Variants in RLF observed in about 807,000 individuals in gnomAD.
The protein encoded by RLF is RLF zinc finger.
In RLF, 7 loss-of-function variants were observed where a neutral mutation model predicts 162.9. That is an observed-to-expected ratio of 0.04 (90% CI 0.02 to 0.08). The LOEUF (loss-of-function observed/expected upper bound fraction) is 0.08. Ranked by LOEUF, RLF falls within the 10% of genes least tolerant of loss-of-function variation. The probability of loss-of-function intolerance (pLI) is 1.00; values close to 1 mark genes in which losing one functional copy is unlikely to be tolerated. For missense variants in RLF, 1,664 were observed against 2,244.7 expected, an observed-to-expected ratio of 0.74 and a Z score of 5.23; for synonymous variants, 782 against 791.5, an observed-to-expected ratio of 0.99 and a Z score of 0.20.
chr1:40,178,701 C>G (rs537426649), intron 1 of RLF, among the ~76,000 whole-genome samples: 28 of 34,822 alleles, frequency 8.0e-4, no homozygotes, highest in Non-Finnish European at 1.7e-3. Context: ...TTTTTTTTTT[C>G]CCCAGAGATG....
At chr1:40,195,034 C>G (rs1207053575) in intron 3 of RLF, among the ~76,000 whole-genome samples, 2 of 151,704 alleles carry the variant, frequency 1.3e-5, no homozygotes, top group South Asian at 4.2e-4. Flanking sequence ...AGAGTTTTGT[C>G]ATTTTGGCCA....
At position 40,161,764 on chromosome 1, in the gene RLF, C is replaced by A; in HGVS notation, c.237+128C>A. ...CTCCGTGACTCGCCGCGCCCCCGGG[C>A]CGGGAAGGCCCAGCTCGGAAGCTCG... On this transcript the variant is annotated intron_variant, in intron 1 of 7. Coordinates refer to ENST00000372771, the MANE Select transcript of RLF (RefSeq NM_012421.4). The surrounding 1 kb of genome is among the most constrained non-coding windows in gnomAD (Gnocchi z 4.4). 1 of 1,326,890 alleles carries A rather than the reference C, an allele frequency of 7.5e-7. No individual in the cohort carries two copies. Among genetic ancestry groups the A allele is most frequent in the Non-Finnish European group, 1.0e-6 (1 of 991,276 alleles). The allele number at this position is 1,326,890 out of a possible 1,614,324, so 82.2% of individuals were successfully genotyped here.
At position 40,236,529 on chromosome 1, in the gene RLF, A is replaced by G. The variant is rs1443472127; in HGVS notation, c.1827A>G (p.Pro609=). ...PHVMEHVKMP[P]SRRDRSKKKL... is the part of the protein sequence containing the mutation. ...TGATGGAGCATGTTAAAATGCCACC[A>G]AGCAGAAGGGACCGCTCTAAAAAGA... Residue 609 remains proline (P), a synonymous_variant, in exon 8 of 8, where the codon CCA becomes CCG. Transcript: ENST00000372771. The surrounding 1 kb of genome is among the most constrained non-coding windows in gnomAD (Gnocchi z 7.7). 6.2e-7 allele frequency: 1 copy of G among 1,613,928 alleles called. No homozygotes were observed. The highest frequency in any genetic ancestry group is 2.2e-5 in the East Asian group (1 of 44,898).
intron 1 of RLF, among the ~76,000 whole-genome samples, chr1:40,165,271 A>T (rs1642149359): frequency 6.6e-6 from 1 of 152,106 alleles, no homozygotes; most frequent in Admixed American, 6.6e-5. Flanking sequence ...GGAGTTCTTT[A>T]CTTGGAGTCA....
intron 1 of RLF, among the ~76,000 whole-genome samples, chr1:40,183,185 C>T (rs1415661252): frequency 6.6e-6 from 1 of 152,182 alleles, no homozygotes; most frequent in Non-Finnish European, 1.5e-5. Flanking sequence ...CTGCCCTCTC[C>T]TGGAAGTCTA....
intron 5 of RLF, among the ~76,000 whole-genome samples, chr1:40,219,715 T>G (rs978139992): frequency 2.0e-5 from 3 of 152,164 alleles, no homozygotes; most frequent in Non-Finnish European, 4.4e-5. Flanking sequence ...AACCTCTTGA[T>G]CAGAAATTTA....
At chr1:40,226,931 C>G (rs1643086146) in intron 6 of RLF, among the ~76,000 whole-genome samples, 2 of 152,142 alleles carry the variant, frequency 1.3e-5, no homozygotes, top group African/African-American at 4.8e-5. Flanking sequence ...ATGGTGCAGT[C>G]TCAGCTCACT....
rs776232843 is a variant in RLF at position 40,239,845 on chromosome 1, A to G, written c.5143A>G (p.Ser1715Gly). ...NGTESGTYFT[S>G]FQLPLPRIKE... The stretch of plus-strand genomic sequence containing the variant: ...GACTGAAAGTGGGACTTATTTCACA[A>G]GTTTCCAGCTGCCTTTACCAAGGAT... Residue 1715 changes from serine (S) to glycine (G), a missense_variant, in exon 8 of 8, where the codon AGT (serine) becomes GGT (glycine). Transcript: ENST00000372771. 1.9e-6 allele frequency: 3 copies of G among 1,614,054 alleles called. No individual in the cohort carries two copies. The highest frequency in any genetic ancestry group is 2.5e-6 in the Non-Finnish European group (3 of 1,180,012).
chr1:40,200,942 G>T (rs1371594708), intron 4 of RLF, among the ~76,000 whole-genome samples: 4 of 74,334 alleles, frequency 5.4e-5, no homozygotes, highest in African/African-American at 1.2e-4. Flanking sequence ...ACACACACTG[G>T]TTTATCCTTA....
In RLF at chr1:40,161,458, C is replaced by T. The variant is rs1324458775; in HGVS notation, c.59C>T (p.Ala20Val). ...AVAGAGAEAP[A>V]VAGAGDGVET... The stretch of plus-strand genomic sequence containing the variant: ...GCCGGGGCTGGGGCTGAGGCTCCGG[C>T]GGTAGCGGGAGCCGGAGATGGAGTC... Residue 20 changes from alanine to valine, a missense_variant, in exon 1 of 8, where the codon GCG (alanine) becomes GTG (valine). This residue lies in a region of RLF where 134 missense variants were observed against 124.3 expected (regional missense o/e 1.08). Transcript: ENST00000372771. This position sits in a 1 kb window ranked among gnomAD's most constrained non-coding sequence, Gnocchi z 4.4. The T allele has an allele frequency of 3.2e-6, 5 of 1,575,858 alleles. No homozygotes were observed. The African/African-American group carries it at 5.5e-5, about 17-fold the overall frequency.
chr1:40,228,801 T>TA (rs1643114418), intron 6 of RLF, among the ~76,000 whole-genome samples: 1 of 152,132 alleles, frequency 6.6e-6, no homozygotes, highest in Admixed American at 6.5e-5. Context: ...TAGTGAATTT[T>TA]ATTTTATTTG....
intron 7 of RLF, among the ~76,000 whole-genome samples, chr1:40,232,215 T>TAA (rs1557760526): frequency 6.7e-6 from 1 of 149,458 alleles, no homozygotes; most frequent in African/African-American, 2.5e-5. Flanking sequence ...CTTTTTTTTT[T>TAA]TAAAAAAAAA....
chr1:40,174,511 T>A (rs1216899702), intron 1 of RLF, among the ~76,000 whole-genome samples: 1 of 152,202 alleles, frequency 6.6e-6, no homozygotes, highest in East Asian at 1.9e-4. Flanking sequence ...TTGATTCTGC[T>A]CCAAAATTAT....
At chr1:40,231,350 A>T (rs1176254067) in intron 6 of RLF, 167 bp from the exon 7 acceptor site, 2 of 545,470 alleles carry the variant, frequency 3.7e-6, no homozygotes, top group Non-Finnish European at 6.4e-6. Context: ...GATTCTTAAC[A>T]ATTTTATCAG....
At chr1:40,181,140 C>T (rs1642400170) in intron 1 of RLF, among the ~76,000 whole-genome samples, 1 of 152,138 alleles carries the variant, frequency 6.6e-6, no homozygotes, top group African/African-American at 2.4e-5. Context: ...AATGAAAAGG[C>T]TGTCTTTGGC....
chr1:40,228,833 C>G (rs1643115081), intron 6 of RLF, among the ~76,000 whole-genome samples: 1 of 152,078 alleles, frequency 6.6e-6, no homozygotes, highest in African/African-American at 2.4e-5. Context: ...TACTCTGTCA[C>G]CCAGGCTGGA....
rs150689130 is a variant in RLF, at chr1:40,216,600, A to G, written c.811-5974A>G. On this transcript the variant is annotated intron_variant, in intron 5 of 7. Transcript: ENST00000372771. ...AGAGGGTAATTTAAAAATTTCCCAC[A>G]TCCACAGGGCCTCACTGTACAAAAC... Among the ~76,000 whole-genome samples the G allele has an allele frequency of 4.0e-4, 61 of 152,346 alleles. No homozygotes were observed. The East Asian group carries it at 0.011, about 28-fold the overall frequency.
At chr1:40,203,381 A>G (rs953305497) in intron 5 of RLF, among the ~76,000 whole-genome samples, 5 of 151,848 alleles carry the variant, frequency 3.3e-5, no homozygotes, top group Non-Finnish European at 7.4e-5. Flanking sequence ...TTGTACTACT[A>G]AAAGTACAAA....
chr1:40,229,015 G>A (rs916174085), intron 6 of RLF, among the ~76,000 whole-genome samples: 4 of 152,084 alleles, frequency 2.6e-5, no homozygotes, highest in African/African-American at 9.7e-5. Flanking sequence ...CGTTGCTCAG[G>A]CTGGTCTTGA....
Sources: allele counts gnomAD v4.1 joint callset (sites outside exome capture counted in the v4.1 genomes callset), GRCh38; gene constraint gnomAD v4.1.1; regional missense constraint gnomAD v4.1.1; non-coding constraint Gnocchi (gnomAD v3.1); transcripts MANE v1.5; gene names NCBI Gene and HGNC (gene_info 2026-07-23, HGNC 2026-07-21).